Variants in RBFOX1 observed in about 807,000 individuals in gnomAD.
The protein encoded by RBFOX1 is RNA binding fox-1 homolog 1.
A neutral mutation model predicts 57.7 loss-of-function variants in RBFOX1; 8 were observed. That is an observed-to-expected ratio of 0.14 (90% CI 0.08 to 0.25). The LOEUF is 0.25. Among genes scored for constraint, RBFOX1 ranks in the 10% least tolerant of loss-of-function variants. The pLI is 1.00. For synonymous variants in RBFOX1, 326 were observed against 222.4 expected (o/e 1.47, Z -4.15); for missense variants, 611 against 548.5 (o/e 1.11, Z -1.14).
chr16:6,672,577 C>A (rs556453145), intron 3 of RBFOX1, among the ~76,000 whole-genome samples: 153 of 152,162 alleles, frequency 1.0e-3, no homozygotes, highest in African/African-American at 3.5e-3. Context: ...AGAAGAAATT[C>A]TGTTTATGTG....
Position 7,244,152 on chromosome 16 carries a change from C to A in RBFOX1, c.27+192054C>A, listed in dbSNP as rs529249672. ...CAGCAGTATTGTCATCAAAGGGTAA[C>A]TCCAGAGAAAAAAAATCAGAGTAAA... On this transcript the variant is annotated intron_variant, in intron 4 of 15. Transcript: ENST00000550418. Among the ~76,000 whole-genome samples the A allele has an allele frequency of 1.1e-4, 17 of 149,424 alleles. No homozygotes were observed. The East Asian group carries it at 2.2e-3, about 19-fold the overall frequency.
At chr16:6,790,581 C>G (rs551881678) in intron 3 of RBFOX1, among the ~76,000 whole-genome samples, 87 of 152,212 alleles carry the variant, frequency 5.7e-4, no homozygotes, top group African/African-American at 2.0e-3. Flanking sequence ...ATTGTTTTCC[C>G]AACACTGCCT....
intron 4 of RBFOX1, among the ~76,000 whole-genome samples, chr16:7,412,408 C>G (rs1478304636): frequency 9.0e-5 from 6 of 66,576 alleles, no homozygotes; most frequent in Admixed American, 5.5e-4. Flanking sequence ...GAGTGACATT[C>G]TGCCAAAAAA....
chr16:6,951,844 C>T (rs1391068888), intron 3 of RBFOX1, among the ~76,000 whole-genome samples: 1 of 152,174 alleles, frequency 6.6e-6, no homozygotes, highest in South Asian at 2.1e-4. Flanking sequence ...AGCGATTCTC[C>T]TGCCTCAGCC....
intron 3 of RBFOX1, among the ~76,000 whole-genome samples, chr16:6,822,994 T>A (rs574332000): frequency 6.6e-6 from 1 of 152,218 alleles, no homozygotes; most frequent in Non-Finnish European, 1.5e-5. Flanking sequence ...TCTCAACGTG[T>A]AGATACTTTG....
intron 4 of RBFOX1, among the ~76,000 whole-genome samples, chr16:7,367,825 A>T (rs981985243): frequency 3.3e-5 from 5 of 151,964 alleles, no homozygotes; most frequent in Non-Finnish European, 5.9e-5. Context: ...GGGGATATTC[A>T]TTATGATGAT....
chr16:7,100,565 G>GTTTT (rs201889492), intron 4 of RBFOX1, among the ~76,000 whole-genome samples: 14 of 118,774 alleles, frequency 1.2e-4, no homozygotes, highest in South Asian at 2.7e-4. Flanking sequence ...TTTAAAGGTT[G>GTTTT]TTTTTTTTTT....
intron 3 of RBFOX1, among the ~76,000 whole-genome samples, chr16:6,927,720 T>TTATCTC (rs56154963): frequency 0.19 from 28,441 of 151,528 alleles, 3,451 homozygotes; most frequent in African/African-American, 0.35. Flanking sequence ...GCAAGGCTGA[T>TTATCTC]TATAAGTCAG....
intron 1 of RBFOX1, among the ~76,000 whole-genome samples, chr16:5,398,046 C>T (rs2066609609): frequency 6.6e-6 from 1 of 150,470 alleles, no homozygotes; most frequent in Non-Finnish European, 1.5e-5. Context: ...GTGGTTGGTG[C>T]TGCAAAGAAA....
At chr16:7,507,822 C>G (rs905858649) in intron 4 of RBFOX1, among the ~76,000 whole-genome samples, 5 of 152,164 alleles carry the variant, frequency 3.3e-5, no homozygotes, top group Non-Finnish European at 7.4e-5. Context: ...CTCGGTCTTC[C>G]AAAGTGCTGG....
At chr16:5,605,162 C>A (rs937145783) in intron 3 of RBFOX1, among the ~76,000 whole-genome samples, 18 of 152,142 alleles carry the variant, frequency 1.2e-4, no homozygotes, top group African/African-American at 4.3e-4. Flanking sequence ...CCCTGTTTTA[C>A]CCTCCAAGGT....
rs545388595 is a variant in RBFOX1, at chr16:7,150,258, C to A, written c.27+98160C>A. On this transcript the variant is annotated intron_variant, in intron 4 of 15. Coordinates refer to ENST00000550418, the MANE Select transcript of RBFOX1 (RefSeq NM_018723.4). ...TAAATGTAAGAGGTAAAAGAGACGC[C>A]TCCACCTATCTGTACAACCTTGGCT... Among the ~76,000 whole-genome samples, 21 of 152,342 alleles carry A rather than the reference C, an allele frequency of 1.4e-4. No homozygotes were observed. The South Asian group carries it at 4.4e-3, about 32-fold the overall frequency.
chr16:7,408,908 G>T (rs2098390687), intron 4 of RBFOX1, among the ~76,000 whole-genome samples: 1 of 152,168 alleles, frequency 6.6e-6, no homozygotes, highest in African/African-American at 2.4e-5. Flanking sequence ...TATGGTGTTG[G>T]AAGCGCTTGG....
At chr16:5,940,592 C>G (rs1053002191) in intron 4 of RBFOX1, among the ~76,000 whole-genome samples, 1 of 152,200 alleles carries the variant, frequency 6.6e-6, no homozygotes. Flanking sequence ...AAATTTCAAT[C>G]AGGGCTCTCA....
intron 3 of RBFOX1, among the ~76,000 whole-genome samples, chr16:5,779,892 A>G (rs1003977467): frequency 2.6e-5 from 4 of 152,228 alleles, no homozygotes; most frequent in Non-Finnish European, 4.4e-5. Context: ...TCTCACTTGT[A>G]AAATAAATGG....
At chr16:7,596,160 ACT>A (rs373694229) in intron 8 of RBFOX1, among the ~76,000 whole-genome samples, 58,846 of 133,110 alleles carry the variant, frequency 0.44, 15,459 homozygotes, top group Non-Finnish European at 0.58. Context: ...AGAGGTTTTT[ACT>A]AAACCTCTCG....
rs150287901 is a variant in RBFOX1 at position 7,278,327 on chromosome 16, G to T, written c.27+226229G>T. On this transcript the variant is annotated intron_variant, in intron 4 of 15. Transcript: ENST00000550418. Reference sequence around the variant, plus strand: ...TTAAAGAGAGATCAAACCTCCTTCAGTGTCTCTAGATGGTGAAGTCTTAAA... The same window carrying T: ...TTAAAGAGAGATCAAACCTCCTTCATTGTCTCTAGATGGTGAAGTCTTAAA... Among the ~76,000 whole-genome samples, 449 of 152,270 alleles carry T rather than the reference G, an allele frequency of 2.9e-3. 1 individual carries two copies. The highest frequency in any genetic ancestry group is 0.01 in the African/African-American group (418 of 41,550).
chr16:6,657,272 T>C (rs144301736), intron 3 of RBFOX1, among the ~76,000 whole-genome samples: 3 of 152,128 alleles, frequency 2.0e-5, no homozygotes, highest in Non-Finnish European at 4.4e-5. Context: ...GTGAATCTTA[T>C]ACTCACGCTA....
intron 1 of RBFOX1, among the ~76,000 whole-genome samples, chr16:6,096,659 C>G (rs1256473056): frequency 1.3e-5 from 2 of 152,204 alleles, no homozygotes; most frequent in East Asian, 3.8e-4. Context: ...TGGCATCAAT[C>G]TTACAGTTTA....
Sources: gnomAD v4.1 joint callset for allele counts (sites outside exome capture counted in the v4.1 genomes callset) on GRCh38, gnomAD v4.1.1 for gene constraint, MANE v1.5 for transcripts, NCBI Gene and HGNC (gene_info 2026-07-23, HGNC 2026-07-21) for gene names.